UNKL: variants seen among roughly 807,000 people sequenced by gnomAD.
The protein encoded by UNKL is unk like zinc finger, also known as putative E3 ubiquitin-protein ligase UNKL.
A neutral mutation model predicts 78.0 loss-of-function variants in UNKL; 60 were observed. The observed-to-expected ratio is 0.77, with a 90% CI of 0.63 to 0.95. The LOEUF (loss-of-function observed/expected upper bound fraction) is 0.95. Ranked by LOEUF, UNKL falls within the 40% of genes least tolerant of loss-of-function variation. UNKL has a pLI of 0.00. For missense variants in UNKL, 1,159 were observed against 1,045.7 expected (o/e 1.11, Z -1.49); for synonymous variants, 608 against 474.8 (o/e 1.28, Z -3.65).
intron 2 of UNKL, among the ~76,000 whole-genome samples, chr16:1,404,845 A>G (rs2037677226): frequency 6.6e-6 from 1 of 152,158 alleles, no homozygotes; most frequent in Non-Finnish European, 1.5e-5. Flanking sequence ...GTGGGCTTCT[A>G]TCCACACAAT....
chr16:1,399,147 C>T lies in UNKL; in HGVS notation c.734+227G>A. ...GCAGAGGGGCCCCGGTAGGGGACTG[C>T]ATGGGAGACACTGAGCGTAGGTGGG... is the stretch of plus-strand genomic sequence containing the variant. On this transcript the variant is annotated intron_variant, in intron 5 of 14. Coordinates refer to ENST00000389221, the MANE Select transcript of UNKL (RefSeq NM_001372107.1). The surrounding 1 kb of genome is among the most constrained non-coding windows in gnomAD (Gnocchi z 5.8). The T allele has an allele frequency of 8.9e-7, 1 of 1,117,332 alleles. No homozygotes were observed. Among genetic ancestry groups the T allele is most frequent in the East Asian group, 2.6e-5 (1 of 37,836 alleles). 69.2% of individuals were successfully genotyped at this position (1,117,332 alleles called of 1,614,324 possible).
chr16:1,383,616 G>C (rs528470063), intron 10 of UNKL: 2 of 390,170 alleles, frequency 5.1e-6, no homozygotes, highest in African/African-American at 4.1e-5. Flanking sequence ...CTCCTTGGCC[G>C]GCATCGTCTA....
At chr16:1,408,292 CG>C (rs1043655930) in intron 2 of UNKL, among the ~76,000 whole-genome samples, 1 of 152,108 alleles carries the variant, frequency 6.6e-6, no homozygotes, top group Non-Finnish European at 1.5e-5. Flanking sequence ...ACGGTTCCCA[CG>C]GGGGCGGGGC....
Position 1,399,361 on chromosome 16 carries a change from C to T in UNKL, c.734+13G>A. Reference sequence around the variant, plus strand: ...CCAGCCGGAGTCCTCTGAGCACGGTCCCGCAGGCTCACCTGTACTGGAACC... The same window carrying T: ...CCAGCCGGAGTCCTCTGAGCACGGTTCCGCAGGCTCACCTGTACTGGAACC... On this transcript the variant is annotated intron_variant, in intron 5 of 14. Coordinates refer to ENST00000389221, the MANE Select transcript of UNKL (RefSeq NM_001372107.1). The surrounding 1 kb of genome is among the most constrained non-coding windows in gnomAD (Gnocchi z 5.8). The T allele has an allele frequency of 4.4e-6, 7 of 1,576,000 alleles. No individual in the cohort carries two copies. The highest frequency in any genetic ancestry group is 2.2e-4 in the Middle Eastern group (1 of 4,482).
In UNKL at chr16:1,414,643, G is replaced by T. The variant is rs777288125; in HGVS notation, c.49C>A (p.Pro17Thr). 5 of 1,137,654 alleles carry T rather than the reference G, an allele frequency of 4.4e-6. No homozygotes were observed. In the South Asian group the frequency reaches 9.5e-5, roughly 22 times the overall value. 70.5% of individuals were successfully genotyped at this position (1,137,654 alleles called of 1,614,324 possible). ...AAAAALSGSP[P>T]QTEKPTHYRY... ...TAGTGGGTCGGCTTCTCAGTCTGCG[G>T]GGGGGACCCGCTCAGCGCCGCTGCC... Residue 17 changes from proline to threonine, a missense_variant, in exon 1 of 15, where the codon CCG (proline) becomes ACG (threonine). Transcript: ENST00000389221.
chr16:1,408,130 C>A (rs956563370), intron 2 of UNKL, among the ~76,000 whole-genome samples: 5 of 152,146 alleles, frequency 3.3e-5, no homozygotes, highest in African/African-American at 9.7e-5. Context: ...AAAAGATGGA[C>A]CCTGGAGAGG....
chr16:1,363,586 G>A lies in UNKL; in HGVS notation c.*2654C>T, dbSNP rs915518880. ...GGCCGCCAGCCAGCTCCTACGCCCC[G>A]TGCCCGCCATGGCCACAGGGGGGAG... On this transcript the variant is annotated 3_prime_UTR_variant, in exon 15 of 15. Transcript: ENST00000389221. 6.1e-5 allele frequency: 13 copies of A among 214,044 alleles called. No individual in the cohort carries two copies. Among genetic ancestry groups the A allele is most frequent in the African/African-American group, 1.6e-4 (7 of 42,648 alleles). The allele number at this position is 214,044 out of a possible 1,614,324, so 13.3% of individuals were successfully genotyped here. A position where few individuals can be genotyped will look rare whatever the true frequency, so the allele number is the denominator to read the frequency against.
rs2036864452 is a variant in UNKL at position 1,387,574 on chromosome 16, C to T, written c.1087-2189G>A. ...TCTCTACCAGCAAAGGACAGGGCCA[C>T]CTGGGCTGTGGGGCTGAGGAGGCAG... On this transcript the variant is annotated intron_variant, in intron 9 of 14. Coordinates refer to ENST00000389221, the MANE Select transcript of UNKL (RefSeq NM_001372107.1). This position sits in a 1 kb window ranked among gnomAD's most constrained non-coding sequence, Gnocchi z 4.1. Among the ~76,000 whole-genome samples the T allele has an allele frequency of 6.6e-6, 1 of 152,180 alleles. No individual in the cohort carries two copies. The highest frequency in any genetic ancestry group is 1.5e-5 in the Non-Finnish European group (1 of 68,026).
Position 1,367,141 on chromosome 16 carries a change from A to G in UNKL, c.1997T>C (p.Leu666Pro). 6.3e-7 allele frequency: 1 copy of G among 1,599,148 alleles called. No homozygotes were observed. The highest frequency in any genetic ancestry group is 8.5e-7 in the Non-Finnish European group (1 of 1,175,410). ...GDIGTIPLPKLHSLQSQLRLD... is the reference protein window; with the variant it reads ...GDIGTIPLPKPHSLQSQLRLD... Reference sequence around the variant, plus strand: ...GCGCAGCTGACTCTGCAGCGAGTGCAGCTTCGGCAGGGGAATGGTGCCGAT... The same window carrying G: ...GCGCAGCTGACTCTGCAGCGAGTGCGGCTTCGGCAGGGGAATGGTGCCGAT... The change falls in exon 14 of 15, where the codon CTG (leucine) becomes CCG (proline). Residue 666 changes from leucine (L) to proline (P), a missense_variant. Leu to Pro is a moderately conservative substitution (Grantham distance 98). Coordinates refer to ENST00000389221, the MANE Select transcript of UNKL (RefSeq NM_001372107.1).
At chr16:1,398,467 GCTGCTCAGAGGGAGA>G in intron 5 of UNKL, 1 of 1,157,118 alleles carries the variant, frequency 8.6e-7, no homozygotes, top group South Asian at 2.2e-5. Flanking sequence ...TTACTCGGAA[GCTGCTCAGAGGGAGA>G]CTGAACGTGG....
intron 2 of UNKL, among the ~76,000 whole-genome samples, chr16:1,409,934 G>A (rs1484351000): frequency 6.6e-6 from 1 of 151,860 alleles, no homozygotes; most frequent in Admixed American, 6.6e-5. Context: ...ACAAAAATTA[G>A]CCAGGCATGG....
At chr16:1,414,407 C>A (rs1241783611) in intron 1 of UNKL, among the ~76,000 whole-genome samples, 1 of 152,066 alleles carries the variant, frequency 6.6e-6, no homozygotes, top group Non-Finnish European at 1.5e-5. Context: ...GCGCGTGGAC[C>A]CCGGAACCAG....
At chr16:1,398,034 A>G (rs1445036958) in intron 5 of UNKL, among the ~76,000 whole-genome samples, 1 of 152,232 alleles carries the variant, frequency 6.6e-6, no homozygotes, top group African/African-American at 2.4e-5. Flanking sequence ...TCTCAGTCAG[A>G]GCCACCCTCA....
chr16:1,411,044 C>G (rs572005815), intron 2 of UNKL, among the ~76,000 whole-genome samples: 2 of 152,054 alleles, frequency 1.3e-5, no homozygotes, highest in Admixed American at 6.5e-5. Flanking sequence ...GAGACTCCAT[C>G]TCTACAAAAA....
At chr16:1,409,492 TAAATA>T (rs750180397) in intron 2 of UNKL, among the ~76,000 whole-genome samples, 1 of 152,070 alleles carries the variant, frequency 6.6e-6, no homozygotes, top group African/African-American at 2.4e-5. Flanking sequence ...AACAAAATCT[TAAATA>T]AAATAAGGAA....
chr16:1,381,787 G>A (rs1449773336), intron 10 of UNKL, among the ~76,000 whole-genome samples: 1 of 152,152 alleles, frequency 6.6e-6, no homozygotes, highest in East Asian at 1.9e-4. Flanking sequence ...ATTAAAACTA[G>A]CATGTTCTCA....
chr16:1,383,462 G>A (rs992301610), intron 10 of UNKL: 1 of 221,166 alleles, frequency 4.5e-6, no homozygotes, highest in Non-Finnish European at 9.9e-6. Flanking sequence ...TGGGTGCTTG[G>A]GGGACTGAGG....
chr16:1,370,818 T>C (rs1487303955), intron 11 of UNKL, among the ~76,000 whole-genome samples: 5 of 152,242 alleles, frequency 3.3e-5, no homozygotes, highest in Non-Finnish European at 7.3e-5. Flanking sequence ...GCGCACTGGC[T>C]CACGCCTGTA....
intron 10 of UNKL, among the ~76,000 whole-genome samples, chr16:1,375,564 G>A (rs186203112): frequency 8.1e-4 from 124 of 152,234 alleles, no homozygotes; most frequent in African/African-American, 2.8e-3. Context: ...GACGGCACAC[G>A]GCGCATGCGG....
Sources: gnomAD v4.1 joint callset for allele counts (sites outside exome capture counted in the v4.1 genomes callset) on GRCh38, gnomAD v4.1.1 for gene constraint, Gnocchi (gnomAD v3.1) non-coding constraint, MANE v1.5 for transcripts, NCBI Gene and HGNC (gene_info 2026-07-23, HGNC 2026-07-21) for gene names.